The following AKT3 variants were observed in gnomAD, a reference collection of about 807,000 sequenced individuals.
The protein encoded by AKT3 is RAC-gamma serine/threonine-protein kinase.
A neutral mutation model predicts 65.3 loss-of-function variants in AKT3; 15 were observed. The ratio of observed to expected loss-of-function variants is 0.23; its 90% confidence interval spans 0.15 to 0.35. The LOEUF (loss-of-function observed/expected upper bound fraction) is 0.35. Ranked by LOEUF, AKT3 falls within the 10% of genes least tolerant of loss-of-function variation. The pLI is 1.00. For synonymous variants in AKT3, 206 were observed against 183.8 expected (o/e 1.12, Z -0.98); for missense variants, 243 against 576.5 (o/e 0.42, Z 5.92).
At chr1:243,623,925 C>A (rs761086045) in intron 6 of AKT3, among the ~76,000 whole-genome samples, 1 of 152,186 alleles carries the variant, frequency 6.6e-6, no homozygotes, top group Non-Finnish European at 1.5e-5. Flanking sequence ...GAAGAAGATA[C>A]CTTAAAGCTT....
downstream of AKT3, among the ~76,000 whole-genome samples, chr1:243,497,827 C>A (rs145507912): frequency 6.6e-6 from 1 of 152,084 alleles, no homozygotes; most frequent in Non-Finnish European, 1.5e-5. Flanking sequence ...TACAGGGGTG[C>A]GCCACCACAC....
intron 12 of AKT3, among the ~76,000 whole-genome samples, chr1:243,537,911 TC>T (rs1672044405): frequency 6.6e-6 from 1 of 152,126 alleles, no homozygotes; most frequent in Non-Finnish European, 1.5e-5. Context: ...CATTTCCCAA[TC>T]CTGTATTCCT....
At chr1:243,830,124 T>C (rs1177117444) in intron 2 of AKT3, among the ~76,000 whole-genome samples, 1 of 152,166 alleles carries the variant, frequency 6.6e-6, no homozygotes, top group Non-Finnish European at 1.5e-5. Flanking sequence ...AAATCATCTG[T>C]ACTGAACACT....
At chr1:243,709,056 C>G (rs1157708831) in intron 2 of AKT3, among the ~76,000 whole-genome samples, 1 of 151,598 alleles carries the variant, frequency 6.6e-6, no homozygotes, top group Non-Finnish European at 1.5e-5. Flanking sequence ...TGCTATTTCA[C>G]AGAAAGGAAA....
At chr1:243,663,981 A>C (rs1458049766) in intron 4 of AKT3, among the ~76,000 whole-genome samples, 1 of 152,128 alleles carries the variant, frequency 6.6e-6, no homozygotes, top group Non-Finnish European at 1.5e-5. Flanking sequence ...TAATAATGAC[A>C]GTCAATGCTA....
At chr1:243,770,171 C>T (rs1690089369) in intron 2 of AKT3, among the ~76,000 whole-genome samples, 1 of 152,128 alleles carries the variant, frequency 6.6e-6, no homozygotes. Context: ...CTACTTCTCT[C>T]CTCTATGTCT....
At chr1:243,780,605 A>G (rs7551241) in intron 2 of AKT3, among the ~76,000 whole-genome samples, 76,646 of 150,824 alleles carry the variant, frequency 0.51, 23,609 homozygotes, top group Non-Finnish European at 0.68. Context: ...TATTTAAAAT[A>G]TATACAGAAG....
At chr1:243,523,321 A>T (rs984549014) in intron 12 of AKT3, among the ~76,000 whole-genome samples, 3 of 148,484 alleles carry the variant, frequency 2.0e-5, no homozygotes, top group African/African-American at 7.5e-5. Context: ...TTCAGAAACC[A>T]ATTGGATATC....
intron 5 of AKT3, among the ~76,000 whole-genome samples, chr1:243,644,701 C>T (rs1407295959): frequency 6.6e-6 from 1 of 152,080 alleles, no homozygotes; most frequent in African/African-American, 2.4e-5. Context: ...AAGAAAAATC[C>T]ATAGAGGTAT....
chr1:243,519,036 C>CAGT (rs1670542865), intron 12 of AKT3, among the ~76,000 whole-genome samples: 1 of 152,128 alleles, frequency 6.6e-6, no homozygotes, highest in Non-Finnish European at 1.5e-5. Context: ...AATAAATCAG[C>CAGT]AGTCTAAAAA....
intron 2 of AKT3, among the ~76,000 whole-genome samples, chr1:243,815,189 T>G (rs1178413527): frequency 2.6e-5 from 4 of 152,176 alleles, no homozygotes; most frequent in African/African-American, 9.7e-5. Flanking sequence ...TTAATAGTAT[T>G]TCATTTTGCT....
intron 4 of AKT3, among the ~76,000 whole-genome samples, chr1:243,650,914 A>AAG (rs1681263425): frequency 6.6e-6 from 1 of 152,080 alleles, no homozygotes; most frequent in East Asian, 1.9e-4. Flanking sequence ...ATGAAGTTTA[A>AAG]AGTAGTTTTT....
chr1:243,541,463 C>A (rs1269861288), intron 12 of AKT3, among the ~76,000 whole-genome samples: 1 of 152,004 alleles, frequency 6.6e-6, no homozygotes, highest in Non-Finnish European at 1.5e-5. Flanking sequence ...CTTTCTGACA[C>A]CACAAAATTC....
intron 6 of AKT3, among the ~76,000 whole-genome samples, chr1:243,622,702 C>T (rs1294038667): frequency 6.6e-6 from 1 of 152,082 alleles, no homozygotes; most frequent in Admixed American, 6.6e-5. Context: ...AATCATACTC[C>T]CAATAGAACA....
At chr1:243,533,536 AG>A (rs1301364152) in intron 12 of AKT3, among the ~76,000 whole-genome samples, 3 of 152,216 alleles carry the variant, frequency 2.0e-5, no homozygotes, top group Non-Finnish European at 4.4e-5. Context: ...TTCAAACTCA[AG>A]GGCTGGCAGT....
chr1:243,847,026 G>C (rs1381235740), intron 1 of AKT3, among the ~76,000 whole-genome samples: 1 of 152,134 alleles, frequency 6.6e-6, no homozygotes, highest in Non-Finnish European at 1.5e-5. Flanking sequence ...AAAAGATCAG[G>C]ACAAAGTATT....
intron 2 of AKT3, among the ~76,000 whole-genome samples, chr1:243,742,721 C>G (rs1362243841): frequency 6.6e-6 from 1 of 152,098 alleles, no homozygotes; most frequent in East Asian, 1.9e-4. Flanking sequence ...AAACGTTTGT[C>G]CTTTTTCATT....
At chr1:243,566,877 G>GT (rs1176049974) in intron 9 of AKT3, among the ~76,000 whole-genome samples, 6 of 152,108 alleles carry the variant, frequency 3.9e-5, no homozygotes, top group African/African-American at 1.4e-4. Flanking sequence ...AAAAAACACT[G>GT]TATTTTAAAG....
At chr1:243,523,974 A>G (rs1670886134) in intron 12 of AKT3, among the ~76,000 whole-genome samples, 1 of 152,204 alleles carries the variant, frequency 6.6e-6, no homozygotes, top group East Asian at 1.9e-4. Flanking sequence ...ATTGTCAAAC[A>G]TCATGGAGAG....
Sources: allele counts gnomAD v4.1 joint callset (sites outside exome capture counted in the v4.1 genomes callset), GRCh38; gene constraint gnomAD v4.1.1; transcripts MANE v1.5; gene names NCBI Gene and HGNC (gene_info 2026-07-23, HGNC 2026-07-21).